The following LIFR variants were observed in gnomAD, a reference collection of about 807,000 sequenced individuals.
LIFR encodes LIF receptor subunit alpha.
LIFR carries 84 observed loss-of-function variants against 122.2 expected under a neutral mutation model. That is an observed-to-expected ratio of 0.69 (90% confidence interval 0.58 to 0.82). The LOEUF is 0.82. LIFR is among the 40% of genes least tolerant of loss of function. The probability of loss-of-function intolerance (pLI) is 0.00; values close to 1 mark genes in which losing one functional copy is unlikely to be tolerated. For missense variants in LIFR, 1,294 were observed against 1,311.6 expected, an observed-to-expected ratio of 0.99 and a Z score of 0.21; for synonymous variants, 422 against 434.7, an observed-to-expected ratio of 0.97 and a Z score of 0.36.
chr5:38,514,065 T>G (rs1025076797), intron 5 of LIFR, among the ~76,000 whole-genome samples: 5 of 151,772 alleles, frequency 3.3e-5, no homozygotes, highest in African/African-American at 1.2e-4. Context: ...TTCTATAAAT[T>G]AATAAACATA....
intron 1 of LIFR, among the ~76,000 whole-genome samples, chr5:38,562,705 A>G (rs1678886381): frequency 6.6e-6 from 1 of 152,202 alleles, no homozygotes; most frequent in Non-Finnish European, 1.5e-5. Flanking sequence ...GTGGTTCAAA[A>G]TTGAACTCAA....
At chr5:38,579,034 A>G (rs1265676413) in intron 1 of LIFR, 1 of 152,258 alleles carries the variant, frequency 6.6e-6, no homozygotes, top group Admixed American at 6.5e-5. Flanking sequence ...ACTTAGAAGT[A>G]GAAGGCATTA....
At position 38,481,367 on chromosome 5, in the gene LIFR, A is replaced by G; in HGVS notation, c.*228T>C. On this transcript the variant is annotated 3_prime_UTR_variant, in exon 20 of 20. Coordinates refer to ENST00000453190, the MANE Select transcript of LIFR (RefSeq NM_001127671.2). ...TGAGAATTCTTTGGCTTGATCACAA[A>G]GAGCTCCCAATCTTGAGTTTTGTGG... 1 of 580,614 alleles carries G rather than the reference A, an allele frequency of 1.7e-6. No homozygotes were observed. The highest frequency in any genetic ancestry group is 2.9e-5 in the East Asian group (1 of 34,510). 36.0% of individuals were successfully genotyped at this position (580,614 alleles called of 1,614,324 possible). A position where few individuals can be genotyped will look rare whatever the true frequency, so the allele number is the denominator to read the frequency against.
At chr5:38,571,935 A>T (rs548237796) in intron 1 of LIFR, among the ~76,000 whole-genome samples, 1 of 152,296 alleles carries the variant, frequency 6.6e-6, no homozygotes, top group African/African-American at 2.4e-5. Context: ...TTTCAAACCG[A>T]AGGTCAATTT....
chr5:38,552,457 A>C (rs577989362), intron 1 of LIFR, among the ~76,000 whole-genome samples: 1 of 152,344 alleles, frequency 6.6e-6, no homozygotes, highest in Admixed American at 6.5e-5. Context: ...AAGTACCTAC[A>C]TATATTTTAT....
intron 15 of LIFR, 45 bp downstream of exon 15, chr5:38,490,145 T>G (rs765115090): frequency 7.6e-6 from 6 of 785,600 alleles, no homozygotes; most frequent in Non-Finnish European, 1.3e-5. Flanking sequence ...TTATAATTTC[T>G]CATGTTGCCT....
intron 1 of LIFR, among the ~76,000 whole-genome samples, chr5:38,534,451 GA>G (rs1241684246): frequency 6.6e-6 from 1 of 152,180 alleles, no homozygotes; most frequent in Non-Finnish European, 1.5e-5. Context: ...CAGAAAGAGG[GA>G]AGCTGGAACA....
intron 1 of LIFR, among the ~76,000 whole-genome samples, chr5:38,576,105 G>A (rs1749375650): frequency 6.6e-6 from 1 of 152,086 alleles, no homozygotes; most frequent in Non-Finnish European, 1.5e-5. Flanking sequence ...ACGTGGCCTG[G>A]TTATATTCCT....
At chr5:38,530,749 A>T in intron 1 of LIFR, 83 bp from the exon 2 acceptor site, 1 of 1,137,310 alleles carries the variant, frequency 8.8e-7, no homozygotes, top group South Asian at 1.2e-5. Flanking sequence ...ACTCAAATAG[A>T]TTCTGACAGA....
At chr5:38,502,001 AG>A (rs1745209289) in intron 11 of LIFR, among the ~76,000 whole-genome samples, 1 of 151,138 alleles carries the variant, frequency 6.6e-6, no homozygotes, top group Admixed American at 6.6e-5. Context: ...TTTAAAAAAA[AG>A]GCCAATGAGT....
chr5:38,601,763 C>T (rs2112782349), intron 2 of LIFR, among the ~76,000 whole-genome samples: 1 of 152,282 alleles, frequency 6.6e-6, no homozygotes, highest in East Asian at 1.9e-4. Context: ...GCTTGAGATA[C>T]TATTTTTAGG....
chr5:38,527,377 T>A, intron 3 of LIFR, 83 bp from the exon 4 acceptor site: 1 of 864,986 alleles, frequency 1.2e-6, no homozygotes, highest in East Asian at 2.7e-5. Flanking sequence ...CAAAATACAA[T>A]GGAAAATACT....
At chr5:38,527,390 A>G (rs570600198) in intron 3 of LIFR, 96 bp from the exon 4 acceptor site, 2 of 781,516 alleles carry the variant, frequency 2.6e-6, no homozygotes, top group African/African-American at 1.7e-5. Flanking sequence ...AAAATACTTT[A>G]TGCCCTCTTT....
exon 1 of LIFR, chr5:38,608,157 G>T (rs1360803707): frequency 1.3e-5 from 2 of 152,156 alleles, no homozygotes; most frequent in Non-Finnish European, 2.9e-5. Flanking sequence ...CTCACCACAA[G>T]AATCTCCTGG....
intron 1 of LIFR, among the ~76,000 whole-genome samples, chr5:38,571,529 CA>C (rs11297745): frequency 0.38 from 28,128 of 73,888 alleles, 2,161 homozygotes; most frequent in Middle Eastern, 0.51. Flanking sequence ...CATTCCAGCT[CA>C]AAAAAAAAAA....
At chr5:38,555,673 T>A (rs1484934799) in intron 1 of LIFR, among the ~76,000 whole-genome samples, 1 of 143,570 alleles carries the variant, frequency 7.0e-6, no homozygotes, top group Non-Finnish European at 1.5e-5. Context: ...GATACCCAAC[T>A]GCAAATAAAA....
upstream of LIFR, among the ~76,000 whole-genome samples, chr5:38,596,785 G>A (rs1207910249): frequency 6.6e-6 from 1 of 152,086 alleles, no homozygotes; most frequent in Non-Finnish European, 1.5e-5. Context: ...GGTTCCAAAT[G>A]TTTATATTAT....
intron 18 of LIFR, 44 bp from the exon 19 acceptor site, chr5:38,482,711 T>A: frequency 1.3e-6 from 1 of 799,156 alleles, no homozygotes; most frequent in Non-Finnish European, 2.0e-6. Context: ...AGTTTTAAGA[T>A]TATTAGATAA....
rs1748573702 is a variant in LIFR, at chr5:38,556,640, C to G, written c.-326G>C. On this transcript the variant is annotated 5_prime_UTR_variant, in exon 1 of 20. Coordinates refer to ENST00000453190, the MANE Select transcript of LIFR (RefSeq NM_001127671.2). ...ACCGCCACGGCCGAGTCGCTCCAGCCGGGACTGCGGCGCGCGGGGGCGGCG... is the reference window on the plus strand; with the variant it reads ...ACCGCCACGGCCGAGTCGCTCCAGCGGGGACTGCGGCGCGCGGGGGCGGCG... The G allele has an allele frequency of 6.8e-6, 1 of 147,464 alleles. No individual in the cohort carries two copies. The highest frequency in any genetic ancestry group is 1.5e-5 in the Non-Finnish European group (1 of 66,326). The allele number at this position is 147,464 out of a possible 1,614,324, so 9.1% of individuals were successfully genotyped here. A position where few individuals can be genotyped will look rare whatever the true frequency, so the allele number is the denominator to read the frequency against.
Sources: gnomAD v4.1 joint callset for allele counts (sites outside exome capture counted in the v4.1 genomes callset) on GRCh38, gnomAD v4.1.1 for gene constraint, MANE v1.5 for transcripts, NCBI Gene and HGNC (gene_info 2026-07-23, HGNC 2026-07-21) for gene names.